The following TLE1 variants were observed in gnomAD, a reference collection of about 807,000 sequenced individuals.
The protein encoded by TLE1 is TLE family member 1, transcriptional corepressor, also known as transducin-like enhancer protein 1.
TLE1 carries 21 observed loss-of-function variants against 89.8 expected under a neutral mutation model. That is an observed-to-expected ratio of 0.23 (90% CI 0.17 to 0.34). TLE1 has a LOEUF of 0.34. Among genes scored for constraint, TLE1 ranks in the 10% least tolerant of loss-of-function variants. The probability of loss-of-function intolerance (pLI) is 1.00; values close to 1 mark genes in which losing one functional copy is unlikely to be tolerated. For missense variants in TLE1, 795 were observed against 1,031.2 expected (o/e 0.77, Z 3.14); for synonymous variants, 447 against 407.6 (o/e 1.10, Z -1.16).
chr9:81,609,282 G>A (rs113858141), intron 14 of TLE1, among the ~76,000 whole-genome samples: 157 of 152,080 alleles, frequency 1.0e-3, no homozygotes, highest in African/African-American at 3.3e-3. Context: ...ACGGGGTTTC[G>A]CCACATTGGC....
At chr9:81,672,622 A>G (rs1043319699) in intron 4 of TLE1, among the ~76,000 whole-genome samples, 1 of 152,128 alleles carries the variant, frequency 6.6e-6, no homozygotes, top group African/African-American at 2.4e-5. Flanking sequence ...AGCAAAAAGA[A>G]AACTACATGC....
Position 81,620,487 on chromosome 9 carries a change from T to C in TLE1, c.665A>G (p.Asn222Ser), listed in dbSNP as rs372554811. The C allele has an allele frequency of 4.0e-5, 65 of 1,614,122 alleles. 1 individual carries two copies. Among genetic ancestry groups the C allele is most frequent in the South Asian group, 2.5e-4 (23 of 91,064 alleles). The change falls in exon 9 of 20, where the codon AAT (asparagine) becomes AGT (serine). Residue 222 changes from asparagine (N) to serine (S), a missense_variant. Coordinates refer to ENST00000376499, the MANE Select transcript of TLE1 (RefSeq NM_005077.5). ...DKRRNGPEFS[N>S]DIKKRKVDDK... The stretch of plus-strand genomic sequence containing the variant: ...ATCCACCTTCCTTTTCTTGATGTCA[T>C]TGGAAAATTCAGGTCCATTTCTGCG...
intron 6 of TLE1, among the ~76,000 whole-genome samples, chr9:81,643,023 G>C (rs1296674926): frequency 1.3e-5 from 2 of 152,174 alleles, no homozygotes; most frequent in African/African-American, 4.8e-5. Flanking sequence ...TGGAATCTAA[G>C]AGTACAACTC....
intron 8 of TLE1, among the ~76,000 whole-genome samples, chr9:81,627,065 T>C (rs902385642): frequency 6.6e-6 from 1 of 152,112 alleles, no homozygotes; most frequent in African/African-American, 2.4e-5. Flanking sequence ...ATGCAAGAAA[T>C]GGCCCTGAAA....
chr9:81,661,263 A>G (rs1830767380), intron 4 of TLE1, among the ~76,000 whole-genome samples: 1 of 149,798 alleles, frequency 6.7e-6, no homozygotes, highest in African/African-American at 2.5e-5. Flanking sequence ...TGAACTTAAG[A>G]GTTTAGGGTT....
At chr9:81,645,364 T>C (rs1202207864) in intron 6 of TLE1, among the ~76,000 whole-genome samples, 4 of 88,656 alleles carry the variant, frequency 4.5e-5, no homozygotes, top group Non-Finnish European at 8.5e-5. Context: ...AAACTCCGTC[T>C]CCAAAAAAAA....
chr9:81,610,351 G>T, intron 13 of TLE1, 55 bp from the exon 14 acceptor site: 1 of 1,320,236 alleles, frequency 7.6e-7, no homozygotes, highest in South Asian at 1.2e-5. Context: ...GGCACTTTGT[G>T]AACATCAATA....
Position 81,689,065 on chromosome 9 carries a change from G to A in TLE1, c.-825C>T, listed in dbSNP as rs1018812199. 6.6e-6 allele frequency: 1 copy of A among 152,132 alleles called. No homozygotes were observed. Among genetic ancestry groups the A allele is most frequent in the Non-Finnish European group, 1.5e-5 (1 of 68,096 alleles). The allele number at this position is 152,132 out of a possible 1,614,324, so 9.4% of individuals were successfully genotyped here. A position where few individuals can be genotyped will look rare whatever the true frequency, so the allele number is the denominator to read the frequency against. ...GCTCCTCGAGCCCGGGGAGCATCAG[G>A]GCGCCGCGCCTCGGGCGCACTCGCC... On this transcript the variant is annotated 5_prime_UTR_variant, in exon 1 of 20. Transcript: ENST00000376499.
At chr9:81,640,351 G>C (rs1461623863) in intron 6 of TLE1, among the ~76,000 whole-genome samples, 1 of 151,092 alleles carries the variant, frequency 6.6e-6, no homozygotes, top group Admixed American at 6.6e-5. Flanking sequence ...ACAAAAAAAT[G>C]AACATCTGCT....
intron 11 of TLE1, among the ~76,000 whole-genome samples, chr9:81,615,104 AAAAAAAAAAAAAAAAAAGAAG>A (rs1563972704): frequency 7.5e-6 from 1 of 133,490 alleles, no homozygotes; most frequent in East Asian, 2.0e-4. Context: ...AAAAAAAAAA[AAAAAAAAAAAAAAAAAAGAAG>A]AAGAAGAAGA....
intron 4 of TLE1, among the ~76,000 whole-genome samples, chr9:81,661,910 C>T (rs1830843574): frequency 6.6e-6 from 1 of 152,188 alleles, no homozygotes; most frequent in Non-Finnish European, 1.5e-5. Context: ...GAAAGTGGAA[C>T]AATCATACGT....
intron 8 of TLE1, among the ~76,000 whole-genome samples, chr9:81,622,450 T>C (rs1825388464): frequency 6.6e-6 from 1 of 151,990 alleles, no homozygotes; most frequent in Non-Finnish European, 1.5e-5. Flanking sequence ...TGTTTTTTTT[T>C]GTTGTTGTCG....
chr9:81,590,417 A>G (rs1266651946), intron 16 of TLE1, among the ~76,000 whole-genome samples: 2 of 152,134 alleles, frequency 1.3e-5, no homozygotes, highest in Non-Finnish European at 2.9e-5. Context: ...GTTATCTTTT[A>G]TCAGTTGGCT....
chr9:81,671,239 T>C (rs1374745393), intron 4 of TLE1, among the ~76,000 whole-genome samples: 2 of 151,870 alleles, frequency 1.3e-5, no homozygotes, highest in Non-Finnish European at 2.9e-5. Flanking sequence ...TTAGGCTGGG[T>C]ATGGTAGCAA....
chr9:81,671,643 T>A (rs1832239802), intron 4 of TLE1, among the ~76,000 whole-genome samples: 1 of 147,738 alleles, frequency 6.8e-6, no homozygotes, highest in Admixed American at 7.0e-5. Context: ...AGACTCCGTC[T>A]CAAAAAAAAA....
At chr9:81,686,266 G>A (rs1201805277) in intron 2 of TLE1, among the ~76,000 whole-genome samples, 2 of 152,174 alleles carry the variant, frequency 1.3e-5, no homozygotes. Flanking sequence ...TTAGGCATAG[G>A]CTGTGCCATC....
At chr9:81,666,776 A>AAACT (rs1831514438) in intron 4 of TLE1, among the ~76,000 whole-genome samples, 1 of 141,802 alleles carries the variant, frequency 7.1e-6, no homozygotes, top group South Asian at 2.3e-4. Context: ...CTCGTCTCAC[A>AAACT]AAATAAATAA....
intron 16 of TLE1, among the ~76,000 whole-genome samples, chr9:81,589,532 C>T (rs997860271): frequency 6.6e-6 from 1 of 152,088 alleles, no homozygotes; most frequent in Admixed American, 6.5e-5. Context: ...GGAGCCGGCA[C>T]GGAGCAAGGG....
intron 6 of TLE1, among the ~76,000 whole-genome samples, chr9:81,650,242 C>G (rs1054040951): frequency 6.6e-6 from 1 of 152,206 alleles, no homozygotes; most frequent in Non-Finnish European, 1.5e-5. Context: ...TACCTATGAA[C>G]ATCTGGTTAA....
Sources: gnomAD v4.1 joint callset for allele counts (sites outside exome capture counted in the v4.1 genomes callset) on GRCh38, gnomAD v4.1.1 for gene constraint, MANE v1.5 for transcripts, NCBI Gene and HGNC (gene_info 2026-07-23, HGNC 2026-07-21) for gene names.